Variants in THSD4 observed in about 807,000 individuals in gnomAD.
THSD4 encodes thrombospondin type-1 domain-containing protein 4.
Under a neutral mutation model 119.0 loss-of-function variants are expected in THSD4, and 69 were observed. The ratio of observed to expected loss-of-function variants is 0.58; its 90% CI spans 0.48 to 0.71. The LOEUF is 0.71. Among genes scored for constraint, THSD4 ranks in the 30% least tolerant of loss-of-function variants. The pLI is 0.00. For synonymous variants in THSD4, 524 were observed against 540.4 expected, an observed-to-expected ratio of 0.97 and a Z score of 0.42; for missense variants, 1,393 against 1,391.1, an observed-to-expected ratio of 1.00 and a Z score of -0.02.
chr15:71,111,532 C>G (rs549960597), upstream of THSD4: 6 of 787,900 alleles, frequency 7.6e-6, no homozygotes, highest in East Asian at 1.6e-4. Flanking sequence ...GACCAACTCT[C>G]AAAGTGTTTT....
intron 16 of THSD4, among the ~76,000 whole-genome samples, chr15:71,768,674 C>T (rs189057603): frequency 1.8e-4 from 27 of 149,364 alleles, no homozygotes; most frequent in African/African-American, 5.4e-4. Context: ...ACGCCATTCT[C>T]CTGCCTCAGC....
At chr15:71,659,116 A>G (rs536923372) in intron 7 of THSD4, among the ~76,000 whole-genome samples, 43 of 152,338 alleles carry the variant, frequency 2.8e-4, no homozygotes, top group African/African-American at 9.9e-4. Context: ...AGAATTCAAG[A>G]AAGAGGACAA....
intron 4 of THSD4, among the ~76,000 whole-genome samples, chr15:71,230,786 CTAA>C (rs1408196636): frequency 1.3e-5 from 2 of 152,220 alleles, no homozygotes; most frequent in African/African-American, 4.8e-5. Flanking sequence ...TCTGAGCTAT[CTAA>C]TATTCTCTCA....
rs2040279048 is a variant in THSD4 at position 71,107,461 on chromosome 15, AAAAGAAAGG to A, written c.-80+10463_-80+10471del. Among the ~76,000 whole-genome samples, 5 of 152,296 alleles carry A rather than the reference AAAAGAAAGG, an allele frequency of 3.3e-5. No individual in the cohort carries two copies. In the South Asian group the frequency reaches 1.0e-3, roughly 32 times the overall value. On this transcript the variant is annotated intron_variant, in intron 1 of 17. Transcript: ENST00000355327. Reference sequence around the variant, plus strand: ...AAAAGAAGAGAAGAAAAGGAAAAAGAAAAGAAAGGAAAGAAAAAGAAACCAAGCCTTTTG... The same window carrying A: ...AAAAGAAGAGAAGAAAAGGAAAAAGAAAAGAAAAAGAAACCAAGCCTTTTG...
chr15:71,612,052 C>T (rs780318734), intron 7 of THSD4, among the ~76,000 whole-genome samples: 12 of 152,088 alleles, frequency 7.9e-5, no homozygotes, highest in Non-Finnish European at 1.5e-4. Flanking sequence ...CTTGTGGGGT[C>T]CCAGGAAAAC....
At chr15:71,744,788 C>T (rs1262235155) in intron 11 of THSD4, among the ~76,000 whole-genome samples, 1 of 152,200 alleles carries the variant, frequency 6.6e-6, no homozygotes, top group Non-Finnish European at 1.5e-5. Context: ...GGGAATCTCT[C>T]TTTTGTTATC....
chr15:71,406,679 T>C (rs1016273659), intron 6 of THSD4, among the ~76,000 whole-genome samples: 1 of 149,542 alleles, frequency 6.7e-6, no homozygotes, highest in African/African-American at 2.4e-5. Context: ...TGTGTGTGTG[T>C]GTGTGTGTGT....
At chr15:71,119,455 A>C (rs975732869) in intron 1 of THSD4, among the ~76,000 whole-genome samples, 1 of 152,182 alleles carries the variant, frequency 6.6e-6, no homozygotes, top group Non-Finnish European at 1.5e-5. Context: ...ACTTTATCCC[A>C]GGCAGCATGT....
At chr15:71,575,801 T>A (rs1457589897) in intron 7 of THSD4, among the ~76,000 whole-genome samples, 1 of 151,992 alleles carries the variant, frequency 6.6e-6, no homozygotes, top group African/African-American at 2.4e-5. Flanking sequence ...CTTTATATGG[T>A]GTTGAGTGTA....
chr15:71,668,422 A>G (rs979301314), intron 8 of THSD4, among the ~76,000 whole-genome samples: 3 of 152,158 alleles, frequency 2.0e-5, no homozygotes, highest in Non-Finnish European at 4.4e-5. Flanking sequence ...GACCTGTGAG[A>G]TGAAGCCCCA....
intron 6 of THSD4, among the ~76,000 whole-genome samples, chr15:71,384,094 T>A: frequency 6.6e-6 from 1 of 152,206 alleles, no homozygotes; most frequent in South Asian, 2.1e-4. Flanking sequence ...AGAAACTATT[T>A]TGTGGCCGGG....
In THSD4 at chr15:71,332,891, C is replaced by CTTTTTTTTTTTTTTTTTTTTTTTTTT. The variant is rs1184457820; in HGVS notation, c.1015+76176_1015+76177insTTTTTTTTTTTTTTTTTTTTTTTTTT. ...TTCTTAAAACATTGAGATTTTTTTA[C>CTTTTTTTTTTTTTTTTTTTTTTTTTT]ATTTTTTTTTTTTTTTTAGTTCATC... On this transcript the variant is annotated intron_variant, in intron 6 of 17. Coordinates refer to ENST00000261862, the MANE Select transcript of THSD4 (RefSeq NM_024817.3). Among the ~76,000 whole-genome samples the CTTTTTTTTTTTTTTTTTTTTTTTTTT allele has an allele frequency of 3.7e-4, 14 of 38,008 alleles. 1 individual carries two copies. Among genetic ancestry groups the CTTTTTTTTTTTTTTTTTTTTTTTTTT allele is most frequent in the African/African-American group, 4.4e-4 (6 of 13,574 alleles). The allele number at this position is 38,008 out of a possible 152,430, so 24.9% of individuals were successfully genotyped here. A position where few individuals can be genotyped will look rare whatever the true frequency, so the allele number is the denominator to read the frequency against.
chr15:71,407,300 G>A (rs922999301), intron 6 of THSD4, among the ~76,000 whole-genome samples: 20 of 152,262 alleles, frequency 1.3e-4, no homozygotes, highest in Middle Eastern at 3.4e-3. Flanking sequence ...GTAATGCTGC[G>A]TAGCTTTGCT....
At chr15:71,669,400 CTG>C (rs765316833) in intron 8 of THSD4, among the ~76,000 whole-genome samples, 7 of 152,150 alleles carry the variant, frequency 4.6e-5, no homozygotes, top group African/African-American at 7.2e-5. Context: ...ATCTATTACT[CTG>C]TGGTGAAAAA....
At chr15:71,143,786 A>G (rs1158165926) in intron 2 of THSD4, among the ~76,000 whole-genome samples, 2 of 147,834 alleles carry the variant, frequency 1.4e-5, no homozygotes, top group Admixed American at 1.4e-4. Context: ...GCTCACTGTA[A>G]CCTTGAACTT....
chr15:71,653,827 T>G (rs1462239818), intron 7 of THSD4, among the ~76,000 whole-genome samples: 2 of 152,202 alleles, frequency 1.3e-5, no homozygotes, highest in East Asian at 3.8e-4. Flanking sequence ...GTTTTACAAT[T>G]GAGTCACTTT....
At position 71,141,584 on chromosome 15, in the gene THSD4, A is replaced by C. The variant is rs574622114; in HGVS notation, c.29+28A>C. 6.1e-5 allele frequency: 98 copies of C among 1,597,966 alleles called. 1 individual carries two copies. The South Asian group carries it at 1.1e-3, about 18-fold the overall frequency. Reference sequence around the variant, plus strand: ...AAGTGAAGAAACTTTTTTTAAAAAAACAGGAGAATAAGAAATTTGATATTT... The same window carrying C: ...AAGTGAAGAAACTTTTTTTAAAAAACCAGGAGAATAAGAAATTTGATATTT... On this transcript the variant is annotated intron_variant, in intron 2 of 17. Coordinates refer to ENST00000261862, the MANE Select transcript of THSD4 (RefSeq NM_024817.3).
intron 8 of THSD4, among the ~76,000 whole-genome samples, chr15:71,690,849 A>G (rs746353851): frequency 4.5e-4 from 69 of 152,206 alleles, no homozygotes; most frequent in Non-Finnish European, 8.4e-4. Context: ...CCATGATTCA[A>G]TTACCTCCCA....
chr15:71,660,528 A>G lies in THSD4; in HGVS notation c.1153-2A>G. ...AGTCTTTTGTTTTCTGTCTTTTTGC[A>G]GAGCATTGGCTGTGATGACTACTTA... is the stretch of plus-strand genomic sequence containing the variant. On this transcript the variant is annotated splice_acceptor_variant, in intron 7 of 17. Coordinates refer to ENST00000261862, the MANE Select transcript of THSD4 (RefSeq NM_024817.3). LOFTEE classifies it high-confidence loss of function. 1 of 1,613,998 alleles carries G rather than the reference A, an allele frequency of 6.2e-7. No individual in the cohort carries two copies. Among genetic ancestry groups the G allele is most frequent in the Non-Finnish European group, 8.5e-7 (1 of 1,179,940 alleles).
Sources: gnomAD v4.1 joint callset for allele counts (sites outside exome capture counted in the v4.1 genomes callset) on GRCh38, gnomAD v4.1.1 for gene constraint, MANE v1.5 for transcripts, NCBI Gene and HGNC (gene_info 2026-07-23, HGNC 2026-07-21) for gene names.